The following KCND3 variants were observed in gnomAD, a reference collection of about 807,000 sequenced individuals.
KCND3 encodes A-type voltage-gated potassium channel KCND3.
A neutral mutation model predicts 51.1 loss-of-function variants in KCND3; 9 were observed. That is an observed-to-expected ratio of 0.18 (90% CI 0.11 to 0.31). KCND3 has a LOEUF of 0.31. Among genes scored for constraint, KCND3 ranks in the 10% least tolerant of loss-of-function variants. The pLI is 1.00. For missense variants in KCND3, 526 were observed against 903.8 expected (o/e 0.58, Z 5.36); for synonymous variants, 349 against 368.0 (o/e 0.95, Z 0.59).
At chr1:111,900,304 C>G (rs1670325918) in intron 2 of KCND3, among the ~76,000 whole-genome samples, 1 of 152,146 alleles carries the variant, frequency 6.6e-6, no homozygotes, top group South Asian at 2.1e-4. Flanking sequence ...AAGCATTTCC[C>G]CGGACCTGCC....
intron 2 of KCND3, among the ~76,000 whole-genome samples, chr1:111,868,878 G>A (rs771635154): frequency 5.3e-5 from 8 of 152,058 alleles, no homozygotes; most frequent in Non-Finnish European, 1.2e-4. Context: ...CCGAGTAGCC[G>A]GATTACAGGC....
chr1:111,906,793 C>T (rs1670668246), intron 2 of KCND3, among the ~76,000 whole-genome samples: 1 of 152,204 alleles, frequency 6.6e-6, no homozygotes, highest in Non-Finnish European at 1.5e-5. Context: ...AGTCTGACCA[C>T]AGCCATCAAG....
chr1:111,843,275 G>C lies in KCND3; in HGVS notation c.1107-56169C>G, dbSNP rs1476347090. The stretch of plus-strand genomic sequence containing the variant: ...TGCACAGACTGACCACTGTGGTTCT[G>C]ATAGACTCCAGTCCCACCAGAGGCC... On this transcript the variant is annotated intron_variant, in intron 2 of 7. Transcript: ENST00000302127. Among the ~76,000 whole-genome samples the C allele has an allele frequency of 1.3e-5, 2 of 152,226 alleles. 1 individual carries two copies. The highest frequency in any genetic ancestry group is 4.8e-5 in the African/African-American group (2 of 41,462).
intron 2 of KCND3, among the ~76,000 whole-genome samples, chr1:111,940,073 G>GTTTTTTTTTGTTT (rs1672427149): frequency 1.2e-5 from 1 of 85,472 alleles, no homozygotes; most frequent in Non-Finnish European, 2.1e-5. Context: ...CTTTTTGATG[G>GTTTTTTTTTGTTT]TTTTTTTTTT....
intron 2 of KCND3, among the ~76,000 whole-genome samples, chr1:111,897,132 G>A (rs1042025547): frequency 1.3e-5 from 2 of 152,186 alleles, no homozygotes; most frequent in African/African-American, 4.8e-5. Context: ...ACCAGCCCCC[G>A]CCTTCCTACA....
chr1:111,841,977 C>T (rs183302842), intron 2 of KCND3, among the ~76,000 whole-genome samples: 211 of 152,256 alleles, frequency 1.4e-3, no homozygotes, highest in Admixed American at 2.7e-3. Flanking sequence ...TCATTTCCAA[C>T]CATTTCTGCT....
intron 2 of KCND3, among the ~76,000 whole-genome samples, chr1:111,906,315 C>T (rs1045285523): frequency 1.3e-5 from 2 of 152,200 alleles, no homozygotes; most frequent in Non-Finnish European, 2.9e-5. Context: ...TGCACCACCT[C>T]CTCTGCCTGG....
chr1:111,935,538 GT>G (rs1480481007), intron 2 of KCND3, among the ~76,000 whole-genome samples: 2 of 152,200 alleles, frequency 1.3e-5, no homozygotes, highest in South Asian at 4.2e-4. Flanking sequence ...TAGTATTTTG[GT>G]GATACACTTG....
At chr1:111,823,146 T>C (rs1162701051) in intron 2 of KCND3, among the ~76,000 whole-genome samples, 1 of 152,070 alleles carries the variant, frequency 6.6e-6, no homozygotes, top group Non-Finnish European at 1.5e-5. Context: ...GCTGGGAAGA[T>C]GGTGAGATTC....
intron 5 of KCND3, among the ~76,000 whole-genome samples, chr1:111,779,077 C>A (rs957055588): frequency 6.6e-6 from 1 of 152,146 alleles, no homozygotes; most frequent in Admixed American, 6.5e-5. Context: ...GATGATAAAT[C>A]CTGTAACTAG....
chr1:111,915,993 T>G (rs930138057), intron 2 of KCND3, among the ~76,000 whole-genome samples: 4 of 152,094 alleles, frequency 2.6e-5, no homozygotes, highest in Admixed American at 6.5e-5. Flanking sequence ...ATTTAAGCAT[T>G]CTTGTCTCTG....
chr1:111,923,018 G>A (rs1055755003), intron 2 of KCND3, among the ~76,000 whole-genome samples: 2 of 152,222 alleles, frequency 1.3e-5, no homozygotes, highest in Non-Finnish European at 2.9e-5. Flanking sequence ...TGGAACACCA[G>A]TGAGGAGGCC....
intron 2 of KCND3, among the ~76,000 whole-genome samples, chr1:111,861,804 CT>C (rs1668349822): frequency 6.6e-6 from 1 of 152,204 alleles, no homozygotes; most frequent in Admixed American, 6.5e-5. Context: ...CTGAGAAATT[CT>C]TCCTTATGCC....
intron 2 of KCND3, among the ~76,000 whole-genome samples, chr1:111,962,789 TCTC>T (rs753228070): frequency 2.0e-5 from 3 of 152,244 alleles, no homozygotes; most frequent in Non-Finnish European, 4.4e-5. Flanking sequence ...TGTTGCTGCT[TCTC>T]CTCTTATTGA....
At chr1:111,920,369 A>G (rs1487487096) in intron 2 of KCND3, among the ~76,000 whole-genome samples, 1 of 152,262 alleles carries the variant, frequency 6.6e-6, no homozygotes, top group African/African-American at 2.4e-5. Flanking sequence ...CCCACACTGA[A>G]GAAACACAGT....
intron 2 of KCND3, among the ~76,000 whole-genome samples, chr1:111,904,099 T>G (rs1488851222): frequency 7.3e-5 from 11 of 151,448 alleles, no homozygotes; most frequent in East Asian, 3.9e-4. Flanking sequence ...TTTTTTGTTT[T>G]TTTTTTTTTT....
chr1:111,787,809 CAT>C (rs746963240), intron 2 of KCND3, among the ~76,000 whole-genome samples: 17 of 152,226 alleles, frequency 1.1e-4, no homozygotes, highest in Non-Finnish European at 2.2e-4. Flanking sequence ...ATTTACCTCA[CAT>C]AAGCCCCATG....
At chr1:111,818,471 CGTT>C (rs924297263) in intron 2 of KCND3, among the ~76,000 whole-genome samples, 3 of 152,206 alleles carry the variant, frequency 2.0e-5, no homozygotes, top group Non-Finnish European at 2.9e-5. Context: ...AACAACCTCA[CGTT>C]GTGCCAGCGA....
chr1:111,835,843 C>G (rs947748235), intron 2 of KCND3, among the ~76,000 whole-genome samples: 9 of 152,184 alleles, frequency 5.9e-5, no homozygotes, highest in African/African-American at 2.2e-4. Flanking sequence ...TATGGAGGAG[C>G]CATTCTTTTA....
Sources: gnomAD v4.1 joint callset for allele counts (sites outside exome capture counted in the v4.1 genomes callset) on GRCh38, gnomAD v4.1.1 for gene constraint, MANE v1.5 for transcripts, NCBI Gene and HGNC (gene_info 2026-07-23, HGNC 2026-07-21) for gene names.